The following FNDC3B variants were observed in gnomAD, a reference collection of about 807,000 sequenced individuals.
FNDC3B encodes the protein fibronectin type III domain-containing protein 3B.
In FNDC3B, 12 loss-of-function variants were observed where a neutral mutation model predicts 151.5. The observed-to-expected ratio is 0.08, with a 90% confidence interval of 0.05 to 0.13. FNDC3B has a LOEUF of 0.13. Among genes scored for constraint, FNDC3B ranks in the 10% least tolerant of loss-of-function variants. The pLI, the probability that FNDC3B is intolerant of heterozygous loss-of-function variation, is 1.00. For missense variants in FNDC3B, 1,214 were observed against 1,505.3 expected (o/e 0.81, Z 3.20); for synonymous variants, 528 against 549.0 (o/e 0.96, Z 0.54).
chr3:172,051,257 AT>A (rs113492710), intron 1 of FNDC3B, among the ~76,000 whole-genome samples: 295 of 143,054 alleles, frequency 2.1e-3, no homozygotes, highest in Middle Eastern at 3.6e-3. Flanking sequence ...CTAATTTTGT[AT>A]TTTTTTTTTT....
chr3:172,251,522 G>C lies in FNDC3B; in HGVS notation c.771G>C (p.Ser257=), dbSNP rs34553291. The change falls in exon 6 of 26, where the codon TCG becomes TCC. Residue 257 remains serine, a synonymous_variant. Coordinates refer to ENST00000415807, the MANE Select transcript of FNDC3B (RefSeq NM_022763.4). ...TERRARSSPK[S]NDSDLQEYEL... ...GACGAGCAAGAAGCAGCCCAAAGTC[G>C]AATGATTCAGACTTGCAAGGTAATA... The C allele has an allele frequency of 1.2e-3, 1,902 of 1,612,708 alleles. 28 individuals are homozygous for C. In the African/African-American group the frequency reaches 0.023, roughly 20 times the overall value.
At chr3:172,383,873 A>G (rs2108377926) in intron 25 of FNDC3B, among the ~76,000 whole-genome samples, 1 of 152,350 alleles carries the variant, frequency 6.6e-6, no homozygotes, top group East Asian at 1.9e-4. Context: ...TTGTCAAATC[A>G]GGATATAATA....
Position 172,168,806 on chromosome 3 carries a change from G to C in FNDC3B, c.187+35260G>C, listed in dbSNP as rs368770014. 1.0e-4 allele frequency among the ~76,000 whole-genome samples: 15 copies of C among 148,168 alleles called. No homozygotes were observed. In the East Asian group the frequency reaches 2.5e-3, roughly 25 times the overall value. On this transcript the variant is annotated intron_variant, in intron 3 of 25. Transcript: ENST00000415807. ...CGGCTCACTGCAACCTCCGCTTCCC[G>C]GGTTCAAGTGATTCTCCTGTCTCAG...
chr3:172,110,064 A>G (rs1719882253), intron 1 of FNDC3B, among the ~76,000 whole-genome samples: 1 of 152,102 alleles, frequency 6.6e-6, no homozygotes, highest in African/African-American at 2.4e-5. Context: ...TAAGGGTGCT[A>G]TTTAGCGGGG....
chr3:172,221,113 T>C (rs1378054038), intron 3 of FNDC3B, among the ~76,000 whole-genome samples: 4 of 152,204 alleles, frequency 2.6e-5, no homozygotes, highest in African/African-American at 9.7e-5. Flanking sequence ...AGAAACACAA[T>C]TGGCTTTTTT....
rs187982038 is a variant in FNDC3B, at chr3:172,241,187, C to T, written c.265-6346C>T. 2.8e-4 allele frequency among the ~76,000 whole-genome samples: 43 copies of T among 152,192 alleles called. 1 individual carries two copies. Among genetic ancestry groups the T allele is most frequent in the Admixed American group, 2.0e-3 (31 of 15,294 alleles). ...TTTAAATCAGGCAAGGCTTGTAGAA[C>T]TTAAGGTAGAAGAAAGTGCTGGATT... On this transcript the variant is annotated intron_variant, in intron 4 of 25. Coordinates refer to ENST00000415807, the MANE Select transcript of FNDC3B (RefSeq NM_022763.4).
At chr3:172,171,652 A>T (rs1211859788) in intron 3 of FNDC3B, among the ~76,000 whole-genome samples, 1 of 150,384 alleles carries the variant, frequency 6.6e-6, no homozygotes, top group African/African-American at 2.5e-5. Flanking sequence ...TGACTCTCAG[A>T]ATTCCAGTTC....
chr3:172,362,694 A>G lies in FNDC3B; in HGVS notation c.2857A>G (p.Lys953Glu). The change falls in exon 23 of 26, where the codon AAA becomes GAA. Residue 953 changes from lysine (K) to glutamate (E), a missense_variant. Lys to Glu is a moderately conservative substitution (Grantham distance 56). Coordinates refer to ENST00000415807, the MANE Select transcript of FNDC3B (RefSeq NM_022763.4). ...ACCATTTAGTCAGTTCATTAAAGCA[A>G]AAACTCGGCCATTACCACCCTTGCC... ...AGPFSQFIKA[K>E]TRPLPPLPPR... 1 of 1,614,150 alleles carries G rather than the reference A, an allele frequency of 6.2e-7. No homozygotes were observed. The highest frequency in any genetic ancestry group is 8.5e-7 in the Non-Finnish European group (1 of 1,180,006).
At chr3:172,333,512 T>C (rs1449443139) in intron 14 of FNDC3B, among the ~76,000 whole-genome samples, 1 of 124,908 alleles carries the variant, frequency 8.0e-6, no homozygotes, top group Non-Finnish European at 1.7e-5. Context: ...TTTTTTTTTT[T>C]TTTTGTATTT....
At chr3:172,351,150 G>GTAAA (rs1432801287) in intron 21 of FNDC3B, among the ~76,000 whole-genome samples, 1 of 152,196 alleles carries the variant, frequency 6.6e-6, no homozygotes, top group East Asian at 1.9e-4. Context: ...GTGTCATGAT[G>GTAAA]TAAAGTACAG....
chr3:172,370,240 C>G (rs562209603), intron 23 of FNDC3B, among the ~76,000 whole-genome samples: 1 of 152,172 alleles, frequency 6.6e-6, no homozygotes, highest in South Asian at 2.1e-4. Flanking sequence ...TTAGAGCATT[C>G]TTGGATTTTT....
chr3:172,192,919 C>CA (rs1033225041), intron 3 of FNDC3B, among the ~76,000 whole-genome samples: 2 of 152,048 alleles, frequency 1.3e-5, no homozygotes, highest in Non-Finnish European at 2.9e-5. Flanking sequence ...TGTCAAAACT[C>CA]AAACTCGGTT....
chr3:172,212,473 GGCT>G (rs1381497337), intron 3 of FNDC3B, among the ~76,000 whole-genome samples: 2 of 152,138 alleles, frequency 1.3e-5, no homozygotes, highest in Non-Finnish European at 2.9e-5. Context: ...GAGGAAGTTG[GGCT>G]GCTTGTGGGG....
chr3:172,234,686 A>G (rs1266021640), intron 4 of FNDC3B, among the ~76,000 whole-genome samples: 1 of 152,246 alleles, frequency 6.6e-6, no homozygotes, highest in Non-Finnish European at 1.5e-5. Flanking sequence ...TTGACACAGT[A>G]TCACATCCAG....
chr3:172,204,114 C>A (rs757445928), intron 3 of FNDC3B, among the ~76,000 whole-genome samples: 1 of 152,228 alleles, frequency 6.6e-6, no homozygotes, highest in Non-Finnish European at 1.5e-5. Flanking sequence ...ATTGCTGCCT[C>A]TGTGAGGCAC....
intron 2 of FNDC3B, among the ~76,000 whole-genome samples, chr3:172,132,856 G>C (rs1721172797): frequency 1.3e-5 from 2 of 152,078 alleles, no homozygotes; most frequent in African/African-American, 2.4e-5. Flanking sequence ...GTCTAGTCTT[G>C]GAAGTTGTCT....
At chr3:172,316,215 G>T (rs1560074319) in intron 11 of FNDC3B, among the ~76,000 whole-genome samples, 1 of 151,554 alleles carries the variant, frequency 6.6e-6, no homozygotes, top group Non-Finnish European at 1.5e-5. Context: ...TGGCCAGGAT[G>T]GTCTCCAACT....
intron 3 of FNDC3B, among the ~76,000 whole-genome samples, chr3:172,197,532 G>A (rs1251220518): frequency 6.6e-6 from 1 of 152,148 alleles, no homozygotes; most frequent in African/African-American, 2.4e-5. Flanking sequence ...TTGAGGTTTC[G>A]GCGGTGAGCC....
At chr3:172,079,523 C>T (rs1295666469) in intron 1 of FNDC3B, among the ~76,000 whole-genome samples, 1 of 152,234 alleles carries the variant, frequency 6.6e-6, no homozygotes, top group Admixed American at 6.5e-5. Context: ...GCATTTCTGC[C>T]ATCAAAACAG....
Sources: allele counts gnomAD v4.1 joint callset (sites outside exome capture counted in the v4.1 genomes callset), GRCh38; gene constraint gnomAD v4.1.1; transcripts MANE v1.5; gene names NCBI Gene and HGNC (gene_info 2026-07-23, HGNC 2026-07-21).